MICALL2: variants seen among roughly 807,000 people sequenced by gnomAD.
The protein encoded by MICALL2 is MICAL like 2.
A neutral mutation model predicts 91.1 loss-of-function variants in MICALL2; 111 were observed. The ratio of observed to expected loss-of-function variants is 1.22; its 90% confidence interval spans 1.04 to 1.43. MICALL2 has a LOEUF of 1.43. MICALL2 is among the 40% of genes most tolerant of loss of function. MICALL2 has a pLI of 0.00. For missense variants in MICALL2, 1,556 were observed against 1,236.0 expected, an observed-to-expected ratio of 1.26 and a Z score of -3.88; for synonymous variants, 694 against 525.3, an observed-to-expected ratio of 1.32 and a Z score of -4.39.
chr7:1,439,215 C>T, intron 9 of MICALL2: 1 of 534,968 alleles, frequency 1.9e-6, no homozygotes, highest in Non-Finnish European at 3.3e-6. Flanking sequence ...GCTGGCTGCT[C>T]AAGGTCACAC....
Position 1,440,670 on chromosome 7 carries a change from G to C in MICALL2, c.1726C>G (p.Leu576Val). 6.2e-7 allele frequency: 1 copy of C among 1,612,094 alleles called. No individual in the cohort carries two copies. Among genetic ancestry groups the C allele is most frequent in the Non-Finnish European group, 8.5e-7 (1 of 1,179,896 alleles). ...GGCCCGTCCTCCTGGCCTTCCTGGA[G>C]GCTGGTGCTCATGTCTGGGTGGGAG... ...TTLTQDMSTS[L>V]QEGQEDGPAG... The change falls in exon 8 of 17, where the codon CTC becomes GTC. Residue 576 changes from leucine (L) to valine (V), a missense_variant. Physicochemically the swap from Leu to Val is conservative, Grantham distance 32 (BLOSUM62 1). Transcript: ENST00000297508.
chr7:1,452,722 G>A lies in MICALL2; in HGVS notation c.144-2434C>T, dbSNP rs1171329373. On this transcript the variant is annotated intron_variant, in intron 1 of 16. Coordinates refer to ENST00000297508, the MANE Select transcript of MICALL2 (RefSeq NM_182924.4). The surrounding 1 kb of genome is among the most constrained non-coding windows in gnomAD (Gnocchi z 6.2). ...CTCCAGGCAGATCAGAGCACCCCAGGCCCTCTGGACACACCAGAGCCAGTG... is the reference window on the plus strand; with the variant it reads ...CTCCAGGCAGATCAGAGCACCCCAGACCCTCTGGACACACCAGAGCCAGTG... Among the ~76,000 whole-genome samples, 1 of 152,126 alleles carries A rather than the reference G, an allele frequency of 6.6e-6. No individual in the cohort carries two copies. The highest frequency in any genetic ancestry group is 1.5e-5 in the Non-Finnish European group (1 of 68,016).
At position 1,439,980 on chromosome 7, in the gene MICALL2, G is replaced by C. The variant is rs1780201682; in HGVS notation, c.1911C>G (p.Thr637=). The change falls in exon 9 of 17, where the codon ACC becomes ACG. Residue 637 remains threonine, a synonymous_variant. Transcript: ENST00000297508. ...GTGGGGTCCTGTCAGGCCTCACGGGGGTCAGGGTGATGTGGACACTCCCAG... is the reference window on the plus strand; with the variant it reads ...GTGGGGTCCTGTCAGGCCTCACGGGCGTCAGGGTGATGTGGACACTCCCAG... ...SFAGSVHITL[T]PVRPDRTPRP... The C allele has an allele frequency of 6.5e-7, 1 of 1,532,212 alleles. No individual in the cohort carries two copies. The highest frequency in any genetic ancestry group is 8.7e-7 in the Non-Finnish European group (1 of 1,150,872). 94.9% of individuals were successfully genotyped at this position (1,532,212 alleles called of 1,614,324 possible).
intron 16 of MICALL2, 66 bp from the exon 17 acceptor site, chr7:1,434,738 G>T: frequency 6.9e-7 from 1 of 1,446,066 alleles, no homozygotes; most frequent in Non-Finnish European, 9.3e-7. Flanking sequence ...GCCCACACAA[G>T]TCCCCCTGCC....
At chr7:1,438,586 C>G in intron 10 of MICALL2, 1 of 1,421,714 alleles carries the variant, frequency 7.0e-7, no homozygotes, top group Non-Finnish European at 9.2e-7. Flanking sequence ...AACACCCCAG[C>G]CACCCCAGTC....
rs776151991 is a variant in MICALL2 at position 1,437,518 on chromosome 7, G to T, written c.2476+17C>A. 15 of 1,510,028 alleles carry T rather than the reference G, an allele frequency of 9.9e-6. No individual in the cohort carries two copies. The South Asian group carries it at 1.9e-4, about 19-fold the overall frequency. 93.5% of individuals were successfully genotyped at this position (1,510,028 alleles called of 1,614,324 possible). On this transcript the variant is annotated intron_variant, in intron 14 of 16. Coordinates refer to ENST00000297508, the MANE Select transcript of MICALL2 (RefSeq NM_182924.4). ...ATCCCTGGCTGGGGCCCCTTGGCTG[G>T]CGCGCGGGGGACGCACCGGGCTTGG...
intron 7 of MICALL2, 86 bp from the exon 8 acceptor site, chr7:1,440,770 T>C (rs1780243452): frequency 8.7e-7 from 1 of 1,147,344 alleles, no homozygotes; most frequent in African/African-American, 1.5e-5. Flanking sequence ...CCCCCTGCCA[T>C]CTTCCCATAG....
At chr7:1,458,108 G>A (rs999482437) in intron 1 of MICALL2, among the ~76,000 whole-genome samples, 16 of 152,264 alleles carry the variant, frequency 1.1e-4, no homozygotes, top group Non-Finnish European at 4.4e-5. Context: ...CAGAGCAGGG[G>A]CCGAGGCTGT....
At chr7:1,434,985 G>GGCCCCCCC in intron 16 of MICALL2, 116 bp downstream of exon 16, 1 of 255,664 alleles carries the variant, frequency 3.9e-6, no homozygotes, top group Non-Finnish European at 7.4e-6. Flanking sequence ...CCCGATACCC[G>GGCCCCCCC]CCCCCCCCCC....
rs202115265 is a variant in MICALL2, at chr7:1,447,658, G to C, written c.442C>G (p.Arg148Gly). The part of the protein sequence containing the change: ...AAKLPSPAPA[R>G]KPPLSPAQTN... ...TGGGCTGGAGATAGTGGAGGCTTCC[G>C]GGCTGGGGCGGGCGAGGGCAGCTTG... The change falls in exon 4 of 17, where the codon CGG becomes GGG. Residue 148 changes from arginine (R) to glycine (G), a missense_variant. Physicochemically the swap from Arg to Gly is moderately radical, Grantham distance 125 (BLOSUM62 -2). Coordinates refer to ENST00000297508, the MANE Select transcript of MICALL2 (RefSeq NM_182924.4). The C allele has an allele frequency of 1.8e-5, 29 of 1,588,334 alleles. No individual in the cohort carries two copies. Among genetic ancestry groups the C allele is most frequent in the Non-Finnish European group, 2.4e-5 (28 of 1,168,290 alleles).
intron 10 of MICALL2, 58 bp from the exon 11 acceptor site, chr7:1,438,411 G>C: frequency 6.4e-7 from 1 of 1,556,880 alleles, no homozygotes; most frequent in Non-Finnish European, 8.7e-7. Flanking sequence ...AACGTGACCA[G>C]GACACAGCTT....
intron 1 of MICALL2, among the ~76,000 whole-genome samples, chr7:1,458,194 A>C (rs1170538855): frequency 6.6e-6 from 1 of 152,184 alleles, no homozygotes; most frequent in African/African-American, 2.4e-5. Context: ...GGAGCCCCGG[A>C]TCTGCGCAAC....
At chr7:1,446,581 G>GGAGGGGAGAGGGGA (rs1161847880) in intron 5 of MICALL2, 132 bp downstream of exon 5, 11 of 611,546 alleles carry the variant, frequency 1.8e-5, no homozygotes, top group Admixed American at 6.8e-5. Context: ...GGAGGGGGGA[G>GGAGGGGAGAGGGGA]GAGGGGAGAG....
intron 13 of MICALL2, 125 bp downstream of exon 13, chr7:1,437,765 G>T: frequency 8.1e-7 from 1 of 1,233,160 alleles, no homozygotes; most frequent in Middle Eastern, 2.6e-4. Flanking sequence ...ACCGCAACGA[G>T]GTCCTGGACC....
intron 9 of MICALL2, chr7:1,439,618 C>A: frequency 3.1e-6 from 1 of 319,828 alleles, no homozygotes. Context: ...ACATCACATA[C>A]ATGAACAGAC....
Position 1,434,608 on chromosome 7 carries a change from G to A in MICALL2, c.2703C>T (p.Ser901=), listed in dbSNP as rs753900780. ...GCCCTACTGGCTACTACTGGGAGGG[G>A]CTGCTTTTGCTTTTTGGTGACCAGA... ...SKIWSPKSKS[S]PSQ Residue 901 remains serine, a synonymous_variant, in exon 17 of 17, where the codon AGC becomes AGT. Coordinates refer to ENST00000297508, the MANE Select transcript of MICALL2 (RefSeq NM_182924.4). The A allele has an allele frequency of 5.7e-6, 9 of 1,591,518 alleles. No homozygotes were observed. The highest frequency in any genetic ancestry group is 1.4e-5 in the African/African-American group (1 of 73,354).
chr7:1,439,404 C>A (rs776813814), intron 9 of MICALL2: 1 of 220,782 alleles, frequency 4.5e-6, no homozygotes, highest in Non-Finnish European at 8.9e-6. Context: ...TACATGAACA[C>A]GGTTGCACAC....
At chr7:1,455,521 C>A (rs550908829) in intron 1 of MICALL2, among the ~76,000 whole-genome samples, 1 of 147,486 alleles carries the variant, frequency 6.8e-6, no homozygotes. Context: ...GTTTCCTGGC[C>A]GTAAAGCGGA....
At chr7:1,438,059 G>A in intron 12 of MICALL2, 38 bp downstream of exon 12, 1 of 1,565,358 alleles carries the variant, frequency 6.4e-7, no homozygotes, top group East Asian at 2.3e-5. Context: ...GGTGTCTGTG[G>A]GAGTCGGGCT....
Sources: allele counts gnomAD v4.1 joint callset (sites outside exome capture counted in the v4.1 genomes callset), GRCh38; gene constraint gnomAD v4.1.1; non-coding constraint Gnocchi (gnomAD v3.1); transcripts MANE v1.5; gene names NCBI Gene and HGNC (gene_info 2026-07-23, HGNC 2026-07-21).